GLYATL3: variants seen among roughly 807,000 people sequenced by gnomAD.
GLYATL3 encodes the protein glycine N-acyltransferase-like protein 3.
GLYATL3 carries 31 observed loss-of-function variants against 28.5 expected under a neutral mutation model. That is an observed-to-expected ratio of 1.09 (90% confidence interval 0.82 to 1.47). The LOEUF is 1.47. Ranked by LOEUF, GLYATL3 falls within the 40% of genes most tolerant of loss-of-function variation. The pLI, the probability that GLYATL3 is intolerant of heterozygous loss-of-function variation, is 0.00. For missense variants in GLYATL3, 369 were observed against 351.5 expected (o/e 1.05, Z -0.40); for synonymous variants, 141 against 140.2 (o/e 1.01, Z -0.04).
intron 2 of GLYATL3, 23 bp downstream of exon 2, chr6:49,512,091 AT>A: frequency 9.7e-7 from 1 of 1,030,604 alleles, no homozygotes; most frequent in Non-Finnish European, 1.4e-6. Flanking sequence ...TAATAATTTT[AT>A]TTTATTTCTT....
At chr6:49,512,169 T>C (rs1769132775) in intron 2 of GLYATL3, 101 bp downstream of exon 2, 1 of 556,642 alleles carries the variant, frequency 1.8e-6, no homozygotes, top group Admixed American at 3.2e-5. Context: ...ATAATAAGAC[T>C]CTCTAGGAGC....
chr6:49,505,360 A>G (rs1768992615), intron 1 of GLYATL3, among the ~76,000 whole-genome samples: 1 of 152,220 alleles, frequency 6.6e-6, no homozygotes, highest in Non-Finnish European at 1.5e-5. Flanking sequence ...GTCAGAGACA[A>G]TATTAAGAGG....
rs71540239 is a variant in GLYATL3 at position 49,509,948 on chromosome 6, C to CTCTTTCTTTCTTTCTT, written c.-28-1975_-28-1960dup. Among the ~76,000 whole-genome samples, 173 of 100,250 alleles carry CTCTTTCTTTCTTTCTT rather than the reference C, an allele frequency of 1.7e-3. 3 individuals carry two copies. The highest frequency in any genetic ancestry group is 2.9e-3 in the African/African-American group (84 of 28,502). The allele number at this position is 100,250 out of a possible 152,430, so 65.8% of individuals were successfully genotyped here. A position where few individuals can be genotyped will look rare whatever the true frequency, so the allele number is the denominator to read the frequency against. The stretch of plus-strand genomic sequence containing the variant: ...TTGATATATTTTACGTATTTTCTTT[C>CTCTTTCTTTCTTTCTT]TCTTTCTTTCTTTCTTTCTTTCTTT... On this transcript the variant is annotated intron_variant, in intron 1 of 5. Transcript: ENST00000371197.
At chr6:49,523,826 A>G (rs140251078) in intron 5 of GLYATL3, among the ~76,000 whole-genome samples, 68 of 152,016 alleles carry the variant, frequency 4.5e-4, no homozygotes, top group African/African-American at 1.5e-3. Flanking sequence ...CTTCATCTTT[A>G]TTTTTTGCAT....
chr6:49,504,418 G>A (rs928534911), intron 1 of GLYATL3, among the ~76,000 whole-genome samples: 12 of 151,860 alleles, frequency 7.9e-5, no homozygotes, highest in African/African-American at 2.9e-4. Flanking sequence ...TCTACCCCAC[G>A]TTAAAATAGA....
chr6:49,525,708 A>G (rs1441131999), intron 5 of GLYATL3, among the ~76,000 whole-genome samples: 2 of 152,154 alleles, frequency 1.3e-5, no homozygotes, highest in Non-Finnish European at 2.9e-5. Context: ...ACACAGAAGC[A>G]AAGTAGGTAA....
chr6:49,527,188 C>G lies in GLYATL3; in HGVS notation c.*274C>G, dbSNP rs139798847. Reference sequence around the variant, plus strand: ...ACTGTAGGAGAATAGGTTCTAAAGCCAGCAGTTTTAGTGTACTAGGAGAAA... The same window carrying G: ...ACTGTAGGAGAATAGGTTCTAAAGCGAGCAGTTTTAGTGTACTAGGAGAAA... On this transcript the variant is annotated 3_prime_UTR_variant, in exon 6 of 6. Coordinates refer to ENST00000371197, the MANE Select transcript of GLYATL3 (RefSeq NM_001010904.2). 2.4e-3 allele frequency: 903 copies of G among 381,620 alleles called. 6 individuals carry two copies. Among genetic ancestry groups the G allele is most frequent in the African/African-American group, 0.017 (843 of 49,390 alleles). The allele number at this position is 381,620 out of a possible 1,614,324, so 23.6% of individuals were successfully genotyped here.
chr6:49,501,813 C>G (rs1373337439), intron 1 of GLYATL3, among the ~76,000 whole-genome samples: 1 of 152,134 alleles, frequency 6.6e-6, no homozygotes, highest in Non-Finnish European at 1.5e-5. Flanking sequence ...CGTGTTATAG[C>G]CCTATCTTAT....
intron 5 of GLYATL3, among the ~76,000 whole-genome samples, chr6:49,525,560 CAAAAAAAAAAAAAAAAA>C (rs56711143): frequency 2.1e-4 from 14 of 66,594 alleles, no homozygotes; most frequent in African/African-American, 3.9e-4. Flanking sequence ...GCAAGGCTCT[CAAAAAAAAAAAAAAAAA>C]AAAAAAAAAA....
Position 49,509,948 on chromosome 6 carries a change from CTCTTTCTTTCTTTCTTTCTT to C in GLYATL3, c.-28-1979_-28-1960del, listed in dbSNP as rs71540239. ...TTGATATATTTTACGTATTTTCTTT[CTCTTTCTTTCTTTCTTTCTT>C]TCTTTCTTTCTTTCTTTCTTTCTTT... is the stretch of plus-strand genomic sequence containing the variant. On this transcript the variant is annotated intron_variant, in intron 1 of 5. Coordinates refer to ENST00000371197, the MANE Select transcript of GLYATL3 (RefSeq NM_001010904.2). Among the ~76,000 whole-genome samples, 668 of 100,234 alleles carry C rather than the reference CTCTTTCTTTCTTTCTTTCTT, an allele frequency of 6.7e-3. 8 individuals are homozygous for C. Among genetic ancestry groups the C allele is most frequent in the African/African-American group, 8.2e-3 (234 of 28,500 alleles). The allele number at this position is 100,234 out of a possible 152,430, so 65.8% of individuals were successfully genotyped here.
At chr6:49,519,178 G>C (rs1769271299) in intron 4 of GLYATL3, among the ~76,000 whole-genome samples, 1 of 152,084 alleles carries the variant, frequency 6.6e-6, no homozygotes, top group South Asian at 2.1e-4. Context: ...ATGGATCTTG[G>C]TGCTAGAGGC....
At chr6:49,521,512 C>A in intron 4 of GLYATL3, 133 bp from the exon 5 acceptor site, 2 of 651,960 alleles carry the variant, frequency 3.1e-6, no homozygotes, top group Non-Finnish European at 5.1e-6. Flanking sequence ...TGTAAGTATA[C>A]AGTGGTTAGG....
intron 4 of GLYATL3, 125 bp downstream of exon 4, chr6:49,517,681 A>T (rs2127237025): frequency 1.7e-5 from 10 of 579,500 alleles, no homozygotes; most frequent in Non-Finnish European, 2.8e-5. Context: ...CTGTATGTAT[A>T]AATACATACA....
At chr6:49,518,108 A>G (rs2127237124) in intron 4 of GLYATL3, among the ~76,000 whole-genome samples, 1 of 152,276 alleles carries the variant, frequency 6.6e-6, no homozygotes, top group East Asian at 1.9e-4. Flanking sequence ...TGCAGCCTTG[A>G]ACTCCTGGGC....
intron 1 of GLYATL3, among the ~76,000 whole-genome samples, chr6:49,506,165 C>T (rs867893874): frequency 4.6e-5 from 7 of 152,186 alleles, no homozygotes; most frequent in African/African-American, 1.7e-4. Flanking sequence ...GAGTGAGCTT[C>T]TAGCTGCATT....
At chr6:49,510,416 G>A (rs1480616) in intron 1 of GLYATL3, among the ~76,000 whole-genome samples, 149,292 of 152,264 alleles carry the variant, frequency 0.98, 73,267 homozygotes, top group East Asian at 1. Context: ...ATCAACAAAT[G>A]TTCTAATTCG....
In GLYATL3 at chr6:49,526,583, G is replaced by C. The variant is rs983209693; in HGVS notation, c.536G>C (p.Arg179Pro). The change falls in exon 6 of 6, where the codon CGG (arginine) becomes CCG (proline). Residue 179 changes from arginine (R) to proline (P), a missense_variant. Physicochemically the swap from Arg to Pro is moderately radical, Grantham distance 103. Coordinates refer to ENST00000371197, the MANE Select transcript of GLYATL3 (RefSeq NM_001010904.2). ...WSRGGNEQCL[R>P]YIANLISCFP... ...CGGGGAGGCAATGAACAATGTCTCC[G>C]GTACATCGCCAACCTCATCTCCTGC... 1.9e-6 allele frequency: 3 copies of C among 1,551,850 alleles called. No homozygotes were observed. Among genetic ancestry groups the C allele is most frequent in the Non-Finnish European group, 2.6e-6 (3 of 1,146,994 alleles).
chr6:49,512,025 T>C lies in GLYATL3; in HGVS notation c.35T>C (p.Ile12Thr), dbSNP rs1423840277. 1.3e-6 allele frequency: 2 copies of C among 1,505,434 alleles called. No individual in the cohort carries two copies. Among genetic ancestry groups the C allele is most frequent in the Non-Finnish European group, 1.8e-6 (2 of 1,107,666 alleles). 93.3% of individuals were successfully genotyped at this position (1,505,434 alleles called of 1,614,324 possible). The change falls in exon 2 of 6, where the codon ATA (isoleucine) becomes ACA (threonine). Residue 12 changes from isoleucine (I) to threonine (T), a missense_variant. Coordinates refer to ENST00000371197, the MANE Select transcript of GLYATL3 (RefSeq NM_001010904.2). ...LVLNCSTKLLILEKMLKSCFP... is the reference protein window; with the variant it reads ...LVLNCSTKLLTLEKMLKSCFP... ...CTAAACTGTTCTACCAAATTACTGA[T>C]ACTGGAGAAAATGTTGAAGAGTTGC...
chr6:49,509,039 T>C (rs1357901247), intron 1 of GLYATL3, among the ~76,000 whole-genome samples: 1 of 152,056 alleles, frequency 6.6e-6, no homozygotes, highest in Non-Finnish European at 1.5e-5. Context: ...ACTTTAGAGA[T>C]GGCATAAGTG....
Sources: allele counts gnomAD v4.1 joint callset (sites outside exome capture counted in the v4.1 genomes callset), GRCh38; gene constraint gnomAD v4.1.1; transcripts MANE v1.5; gene names NCBI Gene and HGNC (gene_info 2026-07-23, HGNC 2026-07-21).